Variants in DCLRE1C observed in about 807,000 individuals in gnomAD.
DCLRE1C encodes the protein DNA cross-link repair 1C.
A neutral mutation model predicts 61.4 loss-of-function variants in DCLRE1C; 47 were observed. The ratio of observed to expected loss-of-function variants is 0.77; its 90% CI spans 0.61 to 0.98. The LOEUF (loss-of-function observed/expected upper bound fraction) is 0.98, where lower values mean the gene tolerates loss of function less well. DCLRE1C is among the 50% of genes least tolerant of loss of function. The pLI is 0.00. For missense variants in DCLRE1C, 858 were observed against 816.0 expected (o/e 1.05, Z -0.63); for synonymous variants, 337 against 287.6 (o/e 1.17, Z -1.74).
rs370645225 is a variant in DCLRE1C at position 14,932,635 on chromosome 10, C to CA, written c.780+218dup. On this transcript the variant is annotated intron_variant, in intron 9 of 13. Transcript: ENST00000378278. ...TGGGCGACAGAGTGAGACTCCATCTCAAAAAAAAAAAGTACAGATCTGTGT... is the reference window on the plus strand; with the variant it reads ...TGGGCGACAGAGTGAGACTCCATCTCAAAAAAAAAAAAGTACAGATCTGTGT... 6.9e-3 allele frequency among the ~76,000 whole-genome samples: 974 copies of CA among 141,428 alleles called. 9 individuals are homozygous for CA. The highest frequency in any genetic ancestry group is 0.023 in the African/African-American group (891 of 38,738). 92.8% of individuals were successfully genotyped at this position (141,428 alleles called of 152,430 possible).
chr10:14,930,059 G>T (rs1838707760), intron 9 of DCLRE1C, among the ~76,000 whole-genome samples: 1 of 152,152 alleles, frequency 6.6e-6, no homozygotes, highest in Non-Finnish European at 1.5e-5. Context: ...AGGATTTATG[G>T]GGCAAGGGGC....
intron 13 of DCLRE1C, among the ~76,000 whole-genome samples, chr10:14,916,634 T>G (rs1395219916): frequency 6.6e-6 from 1 of 152,086 alleles, no homozygotes; most frequent in East Asian, 1.9e-4. Flanking sequence ...CTAACAACAA[T>G]CAGGAATTGA....
intron 13 of DCLRE1C, among the ~76,000 whole-genome samples, chr10:14,916,566 A>AAGAAGTCC (rs1836227519): frequency 6.6e-6 from 1 of 152,208 alleles, no homozygotes; most frequent in Non-Finnish European, 1.5e-5. Flanking sequence ...CCAAAATCCA[A>AAGAAGTCC]AACACTTCTG....
chr10:14,932,698 G>A (rs2130914129), intron 9 of DCLRE1C, among the ~76,000 whole-genome samples, 156 bp downstream of exon 9: 1 of 152,226 alleles, frequency 6.6e-6, no homozygotes, highest in African/African-American at 2.4e-5. Flanking sequence ...CATGGAATAT[G>A]GCAATGTACA....
At chr10:14,933,149 A>T (rs1030534052) in intron 8 of DCLRE1C, among the ~76,000 whole-genome samples, 194 bp from the exon 9 acceptor site, 2 of 152,190 alleles carry the variant, frequency 1.3e-5, no homozygotes, top group African/African-American at 2.4e-5. Context: ...ACTGGCCAGG[A>T]TCGCTGCCAT....
chr10:14,935,343 G>C, intron 6 of DCLRE1C, 120 bp downstream of exon 6: 2 of 1,121,926 alleles, frequency 1.8e-6, no homozygotes, highest in South Asian at 1.3e-5. Context: ...GCACGTACCT[G>C]TTATCCCAGC....
intron 4 of DCLRE1C, 85 bp from the exon 5 acceptor site, chr10:14,936,678 A>G: frequency 3.4e-6 from 3 of 876,942 alleles, no homozygotes; most frequent in Non-Finnish European, 5.6e-6. Flanking sequence ...CACAGAACAC[A>G]TTTATGTACC....
intron 13 of DCLRE1C, 132 bp from the exon 14 acceptor site, chr10:14,909,462 C>T (rs1834881789): frequency 1.3e-6 from 1 of 777,808 alleles, no homozygotes; most frequent in African/African-American, 1.7e-5. Context: ...AAAAGATATT[C>T]TTGGGATATG....
rs1834443333 is a variant in DCLRE1C, at chr10:14,906,919, G to A, written c.*1489C>T. On this transcript the variant is annotated 3_prime_UTR_variant, in exon 14 of 14. Transcript: ENST00000378278. Reference sequence around the variant, plus strand: ...TCTTGAGATGGGGTCTTGCTTTGTTGCCCAGGCTGGGCACAATCAGCTCAC... The same window carrying A: ...TCTTGAGATGGGGTCTTGCTTTGTTACCCAGGCTGGGCACAATCAGCTCAC... Among the ~76,000 whole-genome samples, 1 of 151,784 alleles carries A rather than the reference G, an allele frequency of 6.6e-6. No individual in the cohort carries two copies. The highest frequency in any genetic ancestry group is 2.4e-5 in the African/African-American group (1 of 41,286).
At chr10:14,937,771 G>C (rs1840187834) in intron 4 of DCLRE1C, among the ~76,000 whole-genome samples, 1 of 151,746 alleles carries the variant, frequency 6.6e-6, no homozygotes, top group Admixed American at 6.6e-5. Context: ...GGCAGCACCT[G>C]TAATCCCAGC....
intron 2 of DCLRE1C, 175 bp from the exon 3 acceptor site, chr10:14,945,364 T>C: frequency 7.4e-7 from 1 of 1,350,038 alleles, no homozygotes. Flanking sequence ...TTATGAAATC[T>C]ATTTCATCAT....
downstream of DCLRE1C, chr10:14,903,239 T>G (rs1224473820): frequency 1.3e-5 from 2 of 152,164 alleles, no homozygotes; most frequent in African/African-American, 4.8e-5. Flanking sequence ...GCCATTATGC[T>G]TCTTTGAAAG....
intron 1 of DCLRE1C, 138 bp downstream of exon 1, chr10:14,953,764 A>G: frequency 7.8e-7 from 1 of 1,278,754 alleles, no homozygotes. Flanking sequence ...GAAGAGCCCG[A>G]CTGGGACAAG....
At chr10:14,902,373 C>G (rs750210703), downstream of DCLRE1C, 2 of 1,434,946 alleles carry the variant, frequency 1.4e-6, no homozygotes, top group South Asian at 1.3e-5. Flanking sequence ...TCTTAACTCT[C>G]TTTCTCCTAT....
intron 1 of DCLRE1C, among the ~76,000 whole-genome samples, chr10:14,950,837 G>A (rs1223602133): frequency 6.6e-6 from 1 of 152,148 alleles, no homozygotes; most frequent in African/African-American, 2.4e-5. Context: ...TGTGTGGCTG[G>A]AACTGCACCC....
In DCLRE1C at chr10:14,954,068, C is replaced by T; in HGVS notation, c.-58G>A. ...AACCGCAGCTGAAGCCAAGGCCAGCCCTGACCGCGCCGCCACTTCCGGGAA... is the reference window on the plus strand; with the variant it reads ...AACCGCAGCTGAAGCCAAGGCCAGCTCTGACCGCGCCGCCACTTCCGGGAA... On this transcript the variant is annotated 5_prime_UTR_variant, in exon 1 of 14. Transcript: ENST00000378278. The T allele has an allele frequency of 1.2e-6, 2 of 1,606,800 alleles. No homozygotes were observed. The highest frequency in any genetic ancestry group is 1.7e-6 in the Non-Finnish European group (2 of 1,178,120).
At chr10:14,940,285 C>CTTTTT (rs1467655165) in intron 3 of DCLRE1C, among the ~76,000 whole-genome samples, 1 of 103,222 alleles carries the variant, frequency 9.7e-6, no homozygotes, top group Non-Finnish European at 2.0e-5. Context: ...ATACACGGTT[C>CTTTTT]TTTTATTTTT....
intron 6 of DCLRE1C, 31 bp from the exon 7 acceptor site, chr10:14,934,806 C>T (rs1440832455): frequency 6.6e-7 from 1 of 1,504,510 alleles, no homozygotes; most frequent in South Asian, 1.1e-5. Flanking sequence ...TGTTAGCCAT[C>T]CAATGTGATA....
chr10:14,940,095 A>G (rs1229187887), intron 3 of DCLRE1C, among the ~76,000 whole-genome samples: 5 of 152,216 alleles, frequency 3.3e-5, no homozygotes, highest in Non-Finnish European at 2.9e-5. Flanking sequence ...TTGTAAATGC[A>G]TATAATCCTC....
Sources: gnomAD v4.1 joint callset for allele counts (sites outside exome capture counted in the v4.1 genomes callset) on GRCh38, gnomAD v4.1.1 for gene constraint, MANE v1.5 for transcripts, NCBI Gene and HGNC (gene_info 2026-07-23, HGNC 2026-07-21) for gene names.